The following GABRA2 variants were observed in gnomAD, a reference collection of about 807,000 sequenced individuals.
The protein encoded by GABRA2 is gamma-aminobutyric acid receptor subunit alpha-2.
In GABRA2, 16 loss-of-function variants were observed where a neutral mutation model predicts 48.7. The ratio of observed to expected loss-of-function variants is 0.33; its 90% CI spans 0.22 to 0.50. GABRA2 has a LOEUF of 0.50. GABRA2 is among the 20% of genes least tolerant of loss of function. The pLI is 0.98. For missense variants in GABRA2, 275 were observed against 535.6 expected (o/e 0.51, Z 4.80); for synonymous variants, 185 against 184.5 (o/e 1.00, Z -0.02).
chr4:46,387,672 A>G (rs1717655162), intron 2 of GABRA2, among the ~76,000 whole-genome samples: 1 of 152,178 alleles, frequency 6.6e-6, no homozygotes, highest in African/African-American at 2.4e-5. Context: ...TAGTCATTAA[A>G]TTAGTAGATA....
chr4:46,360,789 A>G lies in GABRA2; in HGVS notation c.187+25285T>C, dbSNP rs190189604. ...GAATGGCTTTGACTAAAATGCTGAT[A>G]ATGATATGGACAATGAAATCCAGGC... On this transcript the variant is annotated intron_variant, in intron 3 of 9. Transcript: ENST00000381620. 2.7e-3 allele frequency among the ~76,000 whole-genome samples: 405 copies of G among 152,316 alleles called. 4 individuals are homozygous for G. The highest frequency in any genetic ancestry group is 9.5e-3 in the African/African-American group (394 of 41,572).
intron 3 of GABRA2, chr4:46,367,225 T>G (rs1282323412): frequency 6.6e-6 from 1 of 152,054 alleles, no homozygotes; most frequent in African/African-American, 2.4e-5. Context: ...CTAAAATATA[T>G]AGAAAAAAAT....
At chr4:46,350,851 C>A (rs16859325) in intron 3 of GABRA2, among the ~76,000 whole-genome samples, 3,194 of 151,758 alleles carry the variant, frequency 0.021, 123 homozygotes, top group African/African-American at 0.074. Context: ...AATAAGTAGA[C>A]AGATTATGTC....
intron 3 of GABRA2, among the ~76,000 whole-genome samples, chr4:46,378,145 C>T (rs1437856836): frequency 3.3e-5 from 5 of 152,182 alleles, no homozygotes; most frequent in East Asian, 3.9e-4. Context: ...GCCACCACCC[C>T]GTCTGGGAGG....
At chr4:46,343,936 C>T (rs138667094) in intron 3 of GABRA2, among the ~76,000 whole-genome samples, 89 of 151,638 alleles carry the variant, frequency 5.9e-4, no homozygotes, top group African/African-American at 2.0e-3. Context: ...TTTCTTTATC[C>T]CTAAAAAGAG....
intron 4 of GABRA2, among the ~76,000 whole-genome samples, chr4:46,314,260 G>T (rs1728172570): frequency 6.6e-6 from 1 of 151,940 alleles, no homozygotes; most frequent in African/African-American, 2.4e-5. Context: ...ATGATTCTTG[G>T]TTACTTTTCC....
intron 4 of GABRA2, among the ~76,000 whole-genome samples, chr4:46,331,177 G>A (rs1731290641): frequency 6.6e-6 from 1 of 152,164 alleles, no homozygotes; most frequent in African/African-American, 2.4e-5. Context: ...AAGACCCAGA[G>A]TTGAAGGAGA....
At chr4:46,301,570 G>A (rs1725737791) in intron 8 of GABRA2, among the ~76,000 whole-genome samples, 1 of 152,006 alleles carries the variant, frequency 6.6e-6, no homozygotes, top group Admixed American at 6.6e-5. Flanking sequence ...ATCCCTTAAT[G>A]TCACTGCACA....
Position 46,249,805 on chromosome 4 carries a change from T to G in GABRA2, c.*503A>C, listed in dbSNP as rs1714369661. The G allele has an allele frequency of 6.5e-6, 1 of 153,516 alleles. No individual in the cohort carries two copies. The highest frequency in any genetic ancestry group is 2.4e-5 in the African/African-American group (1 of 41,378). 9.5% of individuals were successfully genotyped at this position (153,516 alleles called of 1,614,324 possible). On this transcript the variant is annotated 3_prime_UTR_variant, in exon 10 of 10. Transcript: ENST00000381620. ...GCTGATTTCAAATCTCTAGTTTTTC[T>G]TATGTGTACCAAGCTTCCAATTACA...
intron 3 of GABRA2, among the ~76,000 whole-genome samples, chr4:46,352,462 C>T (rs561386376): frequency 1.9e-3 from 285 of 152,132 alleles, no homozygotes; most frequent in Non-Finnish European, 3.4e-3. Context: ...TCTGCTTCTT[C>T]TCTCAGTGTG....
chr4:46,386,002 A>T (rs1359077586), intron 3 of GABRA2, 72 bp downstream of exon 3: 1 of 842,586 alleles, frequency 1.2e-6, no homozygotes, highest in Non-Finnish European at 2.0e-6. Flanking sequence ...AAAGTATTAA[A>T]ATAGGAATAT....
At chr4:46,353,349 T>C (rs1735456589) in intron 3 of GABRA2, among the ~76,000 whole-genome samples, 1 of 152,070 alleles carries the variant, frequency 6.6e-6, no homozygotes, top group Non-Finnish European at 1.5e-5. Flanking sequence ...TCTTGACCAG[T>C]CTCCTTGCCC....
intron 8 of GABRA2, among the ~76,000 whole-genome samples, chr4:46,296,125 G>C (rs971903514): frequency 2.0e-5 from 3 of 152,142 alleles, no homozygotes; most frequent in Non-Finnish European, 4.4e-5. Context: ...AAGTTCTCCA[G>C]AAGGCCGTGT....
rs775617916 is a variant in GABRA2 at position 46,305,548 on chromosome 4, T to C, written c.703+20A>G. On this transcript the variant is annotated intron_variant, in intron 7 of 9. Transcript: ENST00000381620. The stretch of plus-strand genomic sequence containing the variant: ...TAATATTCTTAGGCACCAGCTTTTT[T>C]AAAGACTAATTTTACTAACCTGTAC... 1.9e-6 allele frequency: 3 copies of C among 1,607,126 alleles called. No homozygotes were observed. The African/African-American group carries it at 4.0e-5, about 22-fold the overall frequency.
chr4:46,296,400 G>T (rs993412625), intron 8 of GABRA2, among the ~76,000 whole-genome samples: 1 of 152,072 alleles, frequency 6.6e-6, no homozygotes, highest in Non-Finnish European at 1.5e-5. Context: ...GACACTTTGG[G>T]TTCCTGCTAT....
intron 4 of GABRA2, among the ~76,000 whole-genome samples, chr4:46,322,558 C>T (rs984944437): frequency 1.3e-5 from 2 of 152,008 alleles, no homozygotes; most frequent in Admixed American, 1.3e-4. Context: ...TGCAAACTCA[C>T]TAACCTCTGT....
intron 3 of GABRA2, among the ~76,000 whole-genome samples, chr4:46,345,550 G>T (rs1734010734): frequency 6.6e-6 from 1 of 151,758 alleles, no homozygotes; most frequent in South Asian, 2.1e-4. Context: ...CATAAGTAGA[G>T]ACAACCCTAA....
rs1713774612 is a variant in GABRA2, at chr4:46,246,703, ATC to A, written c.*3603_*3604del. 6.6e-6 allele frequency among the ~76,000 whole-genome samples: 1 copy of A among 151,242 alleles called. No individual in the cohort carries two copies. Among genetic ancestry groups the A allele is most frequent in the African/African-American group, 2.4e-5 (1 of 41,354 alleles). On this transcript the variant is annotated 3_prime_UTR_variant, in exon 10 of 10. Transcript: ENST00000381620. ...TGCCAGGAGACTAATAACAATAATA[ATC>A]TGTTTAGTAAATCTATTAACATAAC...
At chr4:46,296,726 TAGA>T (rs1188365280) in intron 8 of GABRA2, among the ~76,000 whole-genome samples, 1 of 150,986 alleles carries the variant, frequency 6.6e-6, no homozygotes, top group Non-Finnish European at 1.5e-5. Context: ...GGATGGGTAG[TAGA>T]AGAAGGTAGT....
Sources: gnomAD v4.1 joint callset for allele counts (sites outside exome capture counted in the v4.1 genomes callset) on GRCh38, gnomAD v4.1.1 for gene constraint, MANE v1.5 for transcripts, NCBI Gene and HGNC (gene_info 2026-07-23, HGNC 2026-07-21) for gene names.